ARHGEF33: variants seen among roughly 807,000 people sequenced by gnomAD.
The protein encoded by ARHGEF33 is DH and coiled-coil domain-containing protein ENSP00000381780.
ARHGEF33 carries 72 observed loss-of-function variants against 101.9 expected under a neutral mutation model. The observed-to-expected ratio is 0.71, with a 90% CI of 0.58 to 0.86. The LOEUF is 0.86. ARHGEF33 is among the 40% of genes least tolerant of loss of function. ARHGEF33 has a pLI of 0.00. For missense variants in ARHGEF33, 1,169 were observed against 1,111.3 expected, an observed-to-expected ratio of 1.05 and a Z score of -0.74; for synonymous variants, 499 against 442.5, an observed-to-expected ratio of 1.13 and a Z score of -1.60.
intron 10 of ARHGEF33, among the ~76,000 whole-genome samples, chr2:38,950,008 A>G (rs1338216755): frequency 6.6e-6 from 1 of 152,152 alleles, no homozygotes; most frequent in Non-Finnish European, 1.5e-5. Flanking sequence ...CACCCTCATG[A>G]TACAATCACC....
rs1164263090 is a variant in ARHGEF33 at position 38,960,526 on chromosome 2, G to C, written c.2221G>C (p.Glu741Gln). Reference protein sequence around the residue: ...SSGGRAPIKAERAAQAHGPAA... With the variant: ...SSGGRAPIKAQRAAQAHGPAA... ...CGGCGGCCGCGCGCCCATCAAGGCC[G>C]AGCGCGCCGCGCAGGCGCACGGCCC... is the stretch of plus-strand genomic sequence containing the variant. Residue 741 changes from glutamate to glutamine, a missense_variant, in exon 16 of 18, where the codon GAG becomes CAG. Glu to Gln is a conservative substitution (Grantham distance 29). Coordinates refer to ENST00000409978, the MANE Select transcript of ARHGEF33 (RefSeq NM_001145451.5). The C allele has an allele frequency of 7.9e-7, 1 of 1,266,330 alleles. No individual in the cohort carries two copies. Among genetic ancestry groups the C allele is most frequent in the African/African-American group, 1.6e-5 (1 of 63,454 alleles). 78.4% of individuals were successfully genotyped at this position (1,266,330 alleles called of 1,614,324 possible).
chr2:38,894,690 G>C (rs1472729142), intron 1 of ARHGEF33, among the ~76,000 whole-genome samples: 1 of 152,220 alleles, frequency 6.6e-6, no homozygotes, highest in Non-Finnish European at 1.5e-5. Flanking sequence ...GGGAAAAAAG[G>C]TGTGTTCTCT....
rs1558444681 is a variant in ARHGEF33, at chr2:38,960,554, CCGCCGCCGCCGTCGCCGCCCGCGG to C, written c.2253_2276del (p.Ala752_Ala759del). On this transcript the variant is annotated inframe_deletion, in exon 16 of 18. Coordinates refer to ENST00000409978, the MANE Select transcript of ARHGEF33 (RefSeq NM_001145451.5). ...CGCGCCGCGCAGGCGCACGGCCCGG[CCGCCGCCGCCGTCGCCGCCCGCGG>C]CGCATCCAGGACCTTCTTCCCCCAA... is the stretch of plus-strand genomic sequence containing the variant. The C allele has an allele frequency of 6.3e-6, 8 of 1,263,574 alleles. No homozygotes were observed. The highest frequency in any genetic ancestry group is 1.6e-5 in the African/African-American group (1 of 62,442). 78.3% of individuals were successfully genotyped at this position (1,263,574 alleles called of 1,614,324 possible). A position where few individuals can be genotyped will look rare whatever the true frequency, so the allele number is the denominator to read the frequency against.
chr2:38,953,076 C>T (rs1667651984), intron 11 of ARHGEF33, 86 bp from the exon 12 acceptor site: 1 of 698,370 alleles, frequency 1.4e-6, no homozygotes, highest in Non-Finnish European at 2.6e-6. Flanking sequence ...CTGCAAAGTA[C>T]TCTTCTTTTA....
intron 10 of ARHGEF33, among the ~76,000 whole-genome samples, chr2:38,946,993 A>G (rs1411415131): frequency 6.6e-6 from 1 of 152,192 alleles, no homozygotes; most frequent in Non-Finnish European, 1.5e-5. Flanking sequence ...CCTTTTCTCT[A>G]TCGGCATTTT....
Position 38,909,478 on chromosome 2 carries a change from C to A in ARHGEF33, c.-85-9885C>A, listed in dbSNP as rs566166613. Among the ~76,000 whole-genome samples, 154 of 150,322 alleles carry A rather than the reference C, an allele frequency of 1.0e-3. 2 individuals are homozygous for A. The highest frequency in any genetic ancestry group is 1.7e-3 in the Non-Finnish European group (114 of 67,568). On this transcript the variant is annotated intron_variant, in intron 2 of 17. Transcript: ENST00000409978. ...CTGGAATTACAGTAGTGCACCACCA[C>A]GACTGGCTAATTTCTTTTTTTTTTT...
chr2:38,906,752 C>T lies in ARHGEF33; in HGVS notation c.-86+10903C>T, dbSNP rs561504953. Among the ~76,000 whole-genome samples the T allele has an allele frequency of 1.2e-4, 17 of 143,918 alleles. No individual in the cohort carries two copies. In the Middle Eastern group the frequency reaches 0.018, roughly 153 times the overall value. The allele number at this position is 143,918 out of a possible 152,430, so 94.4% of individuals were successfully genotyped here. A position where few individuals can be genotyped will look rare whatever the true frequency, so the allele number is the denominator to read the frequency against. On this transcript the variant is annotated intron_variant, in intron 2 of 17. Transcript: ENST00000409978. ...GGGAGGCCAGGGCAGGAGGATCGCT[C>T]GAGCACAGGAGCTTGAGACCAGCCT...
chr2:38,970,379 G>A (rs923511541), intron 17 of ARHGEF33, among the ~76,000 whole-genome samples: 4 of 152,164 alleles, frequency 2.6e-5, no homozygotes, highest in Admixed American at 6.5e-5. Flanking sequence ...AGAAAGCAGG[G>A]CTGCTAAAGA....
rs1246285787 is a variant in ARHGEF33 at position 38,974,272 on chromosome 2, C to G, written c.*429C>G. The stretch of plus-strand genomic sequence containing the variant: ...TATTAACTCATCCAGTGTTCTTAAA[C>G]TAATATACACTATGTTAGGGGCCAG... On this transcript the variant is annotated 3_prime_UTR_variant, in exon 18 of 18. Transcript: ENST00000409978. The G allele has an allele frequency of 6.6e-6, 1 of 152,338 alleles. No individual in the cohort carries two copies. The highest frequency in any genetic ancestry group is 1.5e-5 in the Non-Finnish European group (1 of 68,144). 9.4% of individuals were successfully genotyped at this position (152,338 alleles called of 1,614,324 possible).
intron 2 of ARHGEF33, among the ~76,000 whole-genome samples, chr2:38,914,087 A>G (rs753407661): frequency 6.6e-5 from 10 of 152,220 alleles, no homozygotes; most frequent in Admixed American, 3.3e-4. Flanking sequence ...ACAAGAACTA[A>G]AAATGTTAAC....
At chr2:38,940,406 G>A (rs868766387) in intron 9 of ARHGEF33, among the ~76,000 whole-genome samples, 11 of 151,430 alleles carry the variant, frequency 7.3e-5, no homozygotes, top group African/African-American at 2.4e-4. Context: ...TGGCACTACA[G>A]GCACAAGCCA....
At chr2:38,904,713 A>G (rs113011878) in intron 2 of ARHGEF33, among the ~76,000 whole-genome samples, 2,454 of 151,758 alleles carry the variant, frequency 0.016, 32 homozygotes, top group Middle Eastern at 0.041. Context: ...GTATCAAAAA[A>G]AAAAAAAAAG....
At chr2:38,938,359 C>A (rs1667208515) in intron 9 of ARHGEF33, among the ~76,000 whole-genome samples, 2 of 152,062 alleles carry the variant, frequency 1.3e-5, no homozygotes, top group South Asian at 2.1e-4. Flanking sequence ...CATAGTGAGA[C>A]CCCTGTCTCT....
chr2:38,911,686 G>T (rs541676280), intron 2 of ARHGEF33, among the ~76,000 whole-genome samples: 66 of 152,194 alleles, frequency 4.3e-4, no homozygotes, highest in Middle Eastern at 3.4e-3. Flanking sequence ...TAGAACCTTT[G>T]TTTTTAAACA....
At chr2:38,894,699 C>G (rs921246494) in intron 1 of ARHGEF33, among the ~76,000 whole-genome samples, 1 of 152,208 alleles carries the variant, frequency 6.6e-6, no homozygotes, top group Admixed American at 6.5e-5. Context: ...GGTGTGTTCT[C>G]TCTTTTAGGA....
intron 2 of ARHGEF33, among the ~76,000 whole-genome samples, chr2:38,897,256 A>T (rs971708127): frequency 6.6e-6 from 1 of 152,238 alleles, no homozygotes; most frequent in African/African-American, 2.4e-5. Flanking sequence ...AGAGAAAGAT[A>T]TGGAAAGATT....
At chr2:38,963,901 G>C (rs1018505411) in intron 16 of ARHGEF33, among the ~76,000 whole-genome samples, 11 of 152,162 alleles carry the variant, frequency 7.2e-5, no homozygotes, top group African/African-American at 2.7e-4. Flanking sequence ...CACAGACTGC[G>C]GAGGGGGAGG....
chr2:38,898,866 AT>A (rs968758278), intron 2 of ARHGEF33, among the ~76,000 whole-genome samples: 2 of 152,218 alleles, frequency 1.3e-5, no homozygotes, highest in Non-Finnish European at 2.9e-5. Flanking sequence ...AATGTATCTT[AT>A]AAAACATTTT....
chr2:38,930,349 C>A (rs1479351760), intron 6 of ARHGEF33, among the ~76,000 whole-genome samples: 1 of 148,802 alleles, frequency 6.7e-6, no homozygotes, highest in Non-Finnish European at 1.5e-5. Context: ...TTTTTTCTTT[C>A]TTTTCTTTTT....
Sources: gnomAD v4.1 joint callset for allele counts (sites outside exome capture counted in the v4.1 genomes callset) on GRCh38, gnomAD v4.1.1 for gene constraint, MANE v1.5 for transcripts, NCBI Gene and HGNC (gene_info 2026-07-23, HGNC 2026-07-21) for gene names.